Variants in DZIP3 observed in about 807,000 individuals in gnomAD.
The protein encoded by DZIP3 is DAZ interacting zinc finger protein 3.
DZIP3 carries 118 observed loss-of-function variants against 162.0 expected under a neutral mutation model. The ratio of observed to expected loss-of-function variants is 0.73; its 90% CI spans 0.63 to 0.85. The LOEUF (loss-of-function observed/expected upper bound fraction) is 0.85, where lower values mean the gene tolerates loss of function less well. Ranked by LOEUF, DZIP3 falls within the 40% of genes least tolerant of loss-of-function variation. DZIP3 has a pLI of 0.00. For missense variants in DZIP3, 1,331 were observed against 1,407.0 expected, an observed-to-expected ratio of 0.95 and a Z score of 0.86; for synonymous variants, 438 against 458.6, an observed-to-expected ratio of 0.96 and a Z score of 0.57.
chr3:108,623,021 C>T (rs905882954), intron 5 of DZIP3, among the ~76,000 whole-genome samples: 2 of 151,544 alleles, frequency 1.3e-5, no homozygotes, highest in Non-Finnish European at 2.9e-5. Context: ...CCTATGGTGA[C>T]GACTGCCTTG....
intron 21 of DZIP3, among the ~76,000 whole-genome samples, chr3:108,665,804 T>A (rs969941862): frequency 2.0e-5 from 3 of 152,206 alleles, no homozygotes; most frequent in Admixed American, 2.0e-4. Context: ...AGTGGCAGTT[T>A]ATTCAATTAC....
rs773671554 is a variant in DZIP3 at position 108,672,627 on chromosome 3, G to T, written c.2560G>T (p.Ala854Ser). The change falls in exon 23 of 33, where the codon GCA becomes TCA. Residue 854 changes from alanine to serine, a missense_variant. Physicochemically the swap from Ala to Ser is moderately conservative, Grantham distance 99. This residue lies in a region of DZIP3 where 1,278 missense variants were observed against 1,317.1 expected (regional missense o/e 0.97). Transcript: ENST00000361582. ...TMKTYVSKLN[A>S]ETSRALTAEV... ...GAAAACATACGTAAGCAAACTGAAC[G>T]CAGAAACTAGCAGAGCTTTAACAGC... is the stretch of plus-strand genomic sequence containing the variant. 5 of 1,611,708 alleles carry T rather than the reference G, an allele frequency of 3.1e-6. No homozygotes were observed. The highest frequency in any genetic ancestry group is 3.4e-6 in the Non-Finnish European group (4 of 1,178,568).
At chr3:108,651,586 G>A (rs930181898) in intron 18 of DZIP3, among the ~76,000 whole-genome samples, 6 of 151,548 alleles carry the variant, frequency 4.0e-5, no homozygotes, top group South Asian at 2.1e-4. Flanking sequence ...AGGCTATACC[G>A]TCTAGTTTTG....
intron 6 of DZIP3, among the ~76,000 whole-genome samples, chr3:108,624,964 A>G (rs1361568995): frequency 6.6e-6 from 1 of 152,028 alleles, no homozygotes; most frequent in Non-Finnish European, 1.5e-5. Flanking sequence ...TTTCTTCCCA[A>G]ATCTGTATTT....
At chr3:108,682,637 G>A (rs1348903930) in intron 26 of DZIP3, among the ~76,000 whole-genome samples, 1 of 150,662 alleles carries the variant, frequency 6.6e-6, no homozygotes, top group Non-Finnish European at 1.5e-5. Context: ...CAAGCACAGG[G>A]AGAGGTTGGT....
At chr3:108,651,222 T>C in intron 18 of DZIP3, 60 bp downstream of exon 18, 2 of 572,956 alleles carry the variant, frequency 3.5e-6, no homozygotes, top group Non-Finnish European at 4.8e-6. Flanking sequence ...CATACTTTCC[T>C]AATATGACAC....
At chr3:108,628,096 C>T (rs1172476365) in intron 7 of DZIP3, among the ~76,000 whole-genome samples, 1 of 152,086 alleles carries the variant, frequency 6.6e-6, no homozygotes, top group East Asian at 1.9e-4. Context: ...TCAGGATGGT[C>T]CCGATCTCCT....
rs1941033898 is a variant in DZIP3, at chr3:108,616,657, CGTAA to C, written c.375+3_375+6del. ...GGAACATTCAAGCTGGCAATTATAC[CGTAA>C]GTGTTTTCTTTTTGGAAATTTGATA... is the stretch of plus-strand genomic sequence containing the variant. On this transcript the variant is annotated splice_donor_variant and splice_donor_region_variant and intron_variant, in intron 5 of 32. Coordinates refer to ENST00000361582, the MANE Select transcript of DZIP3 (RefSeq NM_014648.4). LOFTEE classifies it high-confidence loss of function. 3 of 1,563,712 alleles carry C rather than the reference CGTAA, an allele frequency of 1.9e-6. No homozygotes were observed. The highest frequency in any genetic ancestry group is 2.6e-6 in the Non-Finnish European group (3 of 1,154,922).
chr3:108,591,096 G>GA (rs1939385078), intron 1 of DZIP3, among the ~76,000 whole-genome samples: 2 of 152,254 alleles, frequency 1.3e-5, no homozygotes, highest in Non-Finnish European at 1.5e-5. Flanking sequence ...GCAACATTTG[G>GA]GGAAATGCTT....
chr3:108,686,585 G>T lies in DZIP3; in HGVS notation c.3149+1G>T, dbSNP rs1184465754. 4.4e-6 allele frequency: 7 copies of T among 1,596,138 alleles called. No homozygotes were observed. The highest frequency in any genetic ancestry group is 2.7e-5 in the African/African-American group (2 of 73,926). ...AAACTGCCTTTCCACAGCAAACCAG[G>T]TACCTTAGTTTTTATTTATTGGTGG... is the stretch of plus-strand genomic sequence containing the variant. On this transcript the variant is annotated splice_donor_variant, in intron 28 of 32. Transcript: ENST00000361582. LOFTEE classifies it high-confidence loss of function.
At chr3:108,693,033 A>G (rs1284035452) in intron 32 of DZIP3, among the ~76,000 whole-genome samples, 1 of 151,344 alleles carries the variant, frequency 6.6e-6, no homozygotes, top group Non-Finnish European at 1.5e-5. Context: ...AGGGACTGCA[A>G]TCTGATATGC....
chr3:108,619,348 T>G (rs891275959), intron 5 of DZIP3, among the ~76,000 whole-genome samples: 1 of 139,788 alleles, frequency 7.2e-6, no homozygotes, highest in African/African-American at 3.3e-5. Context: ...ACATAAAACA[T>G]ACAAATACTT....
At chr3:108,656,195 C>T (rs560343884) in intron 19 of DZIP3, among the ~76,000 whole-genome samples, 2 of 152,330 alleles carry the variant, frequency 1.3e-5, no homozygotes, top group South Asian at 4.1e-4. Context: ...CAGCCTGCCT[C>T]CTCAAGTGGA....
intron 8 of DZIP3, among the ~76,000 whole-genome samples, chr3:108,631,063 TCTCTC>T (rs1941858901): frequency 1.6e-5 from 1 of 62,668 alleles, no homozygotes; most frequent in Non-Finnish European, 3.3e-5. Context: ...ACACTCTCTC[TCTCTC>T]TCTCTCTCTC....
chr3:108,624,701 A>G (rs1208493406), intron 6 of DZIP3, among the ~76,000 whole-genome samples, 177 bp downstream of exon 6: 2 of 152,024 alleles, frequency 1.3e-5, no homozygotes, highest in Non-Finnish European at 2.9e-5. Context: ...AAAATTATTT[A>G]GCTTCTTTCA....
At chr3:108,615,057 G>A (rs1940928433) in intron 4 of DZIP3, among the ~76,000 whole-genome samples, 1 of 152,132 alleles carries the variant, frequency 6.6e-6, no homozygotes, top group Admixed American at 6.5e-5. Context: ...TATAGACCAT[G>A]CACTCCAATT....
intron 12 of DZIP3, among the ~76,000 whole-genome samples, chr3:108,641,154 C>G (rs979647275): frequency 6.6e-6 from 1 of 151,908 alleles, no homozygotes; most frequent in Non-Finnish European, 1.5e-5. Flanking sequence ...AATAATTATA[C>G]CACAGCATGT....
At chr3:108,619,513 C>A (rs1025036460) in intron 5 of DZIP3, among the ~76,000 whole-genome samples, 1 of 152,136 alleles carries the variant, frequency 6.6e-6, no homozygotes, top group African/African-American at 2.4e-5. Context: ...CATCCCAGTT[C>A]TGAAGGCTAA....
At chr3:108,650,171 A>G (rs2107662895) in intron 17 of DZIP3, among the ~76,000 whole-genome samples, 1 of 151,980 alleles carries the variant, frequency 6.6e-6, no homozygotes, top group East Asian at 1.9e-4. Flanking sequence ...AAAGCCTCGT[A>G]TGGCTGATAT....
Sources: gnomAD v4.1 joint callset for allele counts (sites outside exome capture counted in the v4.1 genomes callset) on GRCh38, gnomAD v4.1.1 for gene constraint, gnomAD v4.1.1 regional missense constraint, MANE v1.5 for transcripts, NCBI Gene and HGNC (gene_info 2026-07-23, HGNC 2026-07-21) for gene names.